Variants in TENM4 observed in about 807,000 individuals in gnomAD.
TENM4 encodes the protein teneurin-4.
Under a neutral mutation model 243.3 loss-of-function variants are expected in TENM4, and 82 were observed. The ratio of observed to expected loss-of-function variants is 0.34; its 90% CI spans 0.28 to 0.40. The LOEUF (loss-of-function observed/expected upper bound fraction) is 0.40. Ranked by LOEUF, TENM4 falls within the 10% of genes least tolerant of loss-of-function variation. The probability of loss-of-function intolerance (pLI) is 1.00; values close to 1 mark genes in which losing one functional copy is unlikely to be tolerated. For synonymous variants in TENM4, 1,412 were observed against 1,456.3 expected (o/e 0.97, Z 0.69); for missense variants, 3,138 against 3,673.3 (o/e 0.85, Z 3.77).
intron 6 of TENM4, among the ~76,000 whole-genome samples, chr11:79,033,998 C>T (rs906295993): frequency 6.6e-6 from 1 of 152,056 alleles, no homozygotes; most frequent in Non-Finnish European, 1.5e-5. Context: ...CAGGATGGAG[C>T]GTGAAAAGAG....
At chr11:79,133,636 GA>G (rs963023850) in intron 4 of TENM4, among the ~76,000 whole-genome samples, 8 of 151,138 alleles carry the variant, frequency 5.3e-5, no homozygotes, top group African/African-American at 1.2e-4. Context: ...AACAACATAT[GA>G]AAAAAAAATA....
chr11:79,330,092 T>C (rs1366891868), intron 1 of TENM4, among the ~76,000 whole-genome samples: 1 of 152,224 alleles, frequency 6.6e-6, no homozygotes, highest in Non-Finnish European at 1.5e-5. Context: ...AAAGCCCTGT[T>C]TGCCTATTTC....
At chr11:78,762,964 C>G (rs943936046) in intron 18 of TENM4, among the ~76,000 whole-genome samples, 2 of 152,122 alleles carry the variant, frequency 1.3e-5, no homozygotes, top group Non-Finnish European at 2.9e-5. Context: ...TTGGGGGATT[C>G]TCTGGTTTTT....
At chr11:79,428,231 A>T (rs1859095242) in intron 1 of TENM4, among the ~76,000 whole-genome samples, 1 of 152,212 alleles carries the variant, frequency 6.6e-6, no homozygotes. Context: ...AAATGTTAAA[A>T]GCCCTCTCCA....
chr11:79,045,125 T>C (rs1430922329), intron 6 of TENM4, among the ~76,000 whole-genome samples: 1 of 152,228 alleles, frequency 6.6e-6, no homozygotes, highest in Non-Finnish European at 1.5e-5. Flanking sequence ...TCTATGACGA[T>C]TTTAGCTAAA....
At chr11:79,094,371 G>A (rs1172112772) in intron 4 of TENM4, among the ~76,000 whole-genome samples, 3 of 152,160 alleles carry the variant, frequency 2.0e-5, no homozygotes, top group Non-Finnish European at 4.4e-5. Context: ...ATGAAGACAC[G>A]GAGCTCAGGG....
At chr11:78,938,603 A>T (rs1856832627) in intron 6 of TENM4, among the ~76,000 whole-genome samples, 1 of 152,202 alleles carries the variant, frequency 6.6e-6, no homozygotes, top group Admixed American at 6.5e-5. Context: ...TTGAAAAAAT[A>T]ATATTTTAAT....
intron 2 of TENM4, among the ~76,000 whole-genome samples, chr11:79,218,135 T>C (rs981882397): frequency 6.6e-6 from 1 of 152,210 alleles, no homozygotes; most frequent in Non-Finnish European, 1.5e-5. Flanking sequence ...CTAATTAGGA[T>C]ATGACTATCA....
At chr11:78,832,780 A>G (rs1440855319) in intron 12 of TENM4, among the ~76,000 whole-genome samples, 1 of 152,194 alleles carries the variant, frequency 6.6e-6, no homozygotes, top group Non-Finnish European at 1.5e-5. Flanking sequence ...AGGTGGAGGA[A>G]TTTGAACCTG....
At chr11:79,052,924 T>C (rs59445089) in intron 6 of TENM4, among the ~76,000 whole-genome samples, 11,615 of 152,236 alleles carry the variant, frequency 0.076, 1,468 homozygotes, top group African/African-American at 0.26. Context: ...TTGCAGCTTG[T>C]TGTGAGGCAC....
rs556434614 is a variant in TENM4, at chr11:78,786,937, C to T, written c.2326G>A (p.Glu776Lys). 41 of 1,608,106 alleles carry T rather than the reference C, an allele frequency of 2.5e-5. No individual in the cohort carries two copies. The highest frequency in any genetic ancestry group is 1.2e-4 in the Admixed American group (7 of 59,566). ...TCGCCATTCCAGCCAGGGCTGCACT[C>T]GCACTTGCCGTCGCGGCAGGTCCCA... ...EHGTCRDGKC[E>K]CSPGWNGEHC... Residue 776 changes from glutamate to lysine, a missense_variant, in exon 16 of 34, where the codon GAG becomes AAG. Glu to Lys is a moderately conservative substitution (Grantham distance 56). This residue lies in a region of TENM4 where 2,467 missense variants were observed against 3,059.1 expected (regional missense o/e 0.81). Transcript: ENST00000278550.
chr11:78,827,252 G>A (rs1041245623), intron 12 of TENM4, among the ~76,000 whole-genome samples: 1 of 152,034 alleles, frequency 6.6e-6, no homozygotes, highest in Non-Finnish European at 1.5e-5. Context: ...CACTGGAGAG[G>A]AGAAAGCCCA....
chr11:79,081,666 G>A (rs1361507839), intron 4 of TENM4, among the ~76,000 whole-genome samples: 1 of 152,096 alleles, frequency 6.6e-6, no homozygotes, highest in Non-Finnish European at 1.5e-5. Context: ...TGAGCCCTGG[G>A]GATGGAACTG....
chr11:79,101,143 T>C (rs1861221102), intron 4 of TENM4, among the ~76,000 whole-genome samples: 1 of 152,214 alleles, frequency 6.6e-6, no homozygotes, highest in Non-Finnish European at 1.5e-5. Flanking sequence ...GTTCTGTTTC[T>C]TAAGCTAGCT....
At chr11:79,371,464 C>T (rs1857785257) in intron 1 of TENM4, among the ~76,000 whole-genome samples, 1 of 152,146 alleles carries the variant, frequency 6.6e-6, no homozygotes, top group Admixed American at 6.5e-5. Context: ...TGGGCCAAGA[C>T]AAGATCCTAA....
At chr11:79,415,394 G>T (rs961510669) in intron 1 of TENM4, among the ~76,000 whole-genome samples, 1 of 152,072 alleles carries the variant, frequency 6.6e-6, no homozygotes, top group Non-Finnish European at 1.5e-5. Flanking sequence ...TAAGTATTCC[G>T]CATACCTGAA....
chr11:78,935,311 G>A (rs530848905), intron 6 of TENM4, among the ~76,000 whole-genome samples: 6 of 152,258 alleles, frequency 3.9e-5, no homozygotes, highest in East Asian at 3.9e-4. Context: ...GCGCCTGGCC[G>A]GAGGTATGCA....
At chr11:79,007,667 C>CA (rs1431777714) in intron 6 of TENM4, among the ~76,000 whole-genome samples, 1 of 152,182 alleles carries the variant, frequency 6.6e-6, no homozygotes, top group Non-Finnish European at 1.5e-5. Flanking sequence ...TGTCTAGGGG[C>CA]AGACAGGAAA....
At chr11:78,733,242 C>T (rs1192421367) in intron 20 of TENM4, among the ~76,000 whole-genome samples, 1 of 152,198 alleles carries the variant, frequency 6.6e-6, no homozygotes, top group East Asian at 1.9e-4. Flanking sequence ...TGAGTGCCAG[C>T]CTCCTAGTTG....
Sources: gnomAD v4.1 joint callset for allele counts (sites outside exome capture counted in the v4.1 genomes callset) on GRCh38, gnomAD v4.1.1 for gene constraint, gnomAD v4.1.1 regional missense constraint, MANE v1.5 for transcripts, NCBI Gene and HGNC (gene_info 2026-07-23, HGNC 2026-07-21) for gene names.